AKAP19: variants seen among roughly 807,000 people sequenced by gnomAD.
The protein encoded by AKAP19 is small A-kinase anchoring protein.
At chr2:190,039,371 G>A in the AKAP19 span, among the ~76,000 whole-genome samples, 21 of 152,054 alleles carry the variant, frequency 1.4e-4, no homozygotes, top group Non-Finnish European at 2.6e-4. Flanking sequence ...GAGCCACTGC[G>A]CCCAGCCTCA....
the AKAP19 span, among the ~76,000 whole-genome samples, chr2:190,191,481 G>C: frequency 2.6e-5 from 4 of 152,172 alleles, no homozygotes; most frequent in African/African-American, 9.6e-5. Flanking sequence ...AAATTTTCAT[G>C]TATCTAGGGT....
chr2:190,194,516 A>G, the AKAP19 span, among the ~76,000 whole-genome samples: 5 of 149,700 alleles, frequency 3.3e-5, no homozygotes, highest in Admixed American at 2.7e-4. Flanking sequence ...ACACACACAC[A>G]CACGCAGCAT....
At chr2:190,057,567 A>C in the AKAP19 span, 3 of 1,613,576 alleles carry the variant, frequency 1.9e-6, no homozygotes, top group Non-Finnish European at 2.5e-6. Flanking sequence ...TTGAGTGCTC[A>C]TCACAGTCAA....
At chr2:190,124,556 G>A in the AKAP19 span, among the ~76,000 whole-genome samples, 1 of 152,014 alleles carries the variant, frequency 6.6e-6, no homozygotes, top group Non-Finnish European at 1.5e-5. Flanking sequence ...CAAAAAATAA[G>A]GAAATTAGCC....
chr2:190,148,204 T>C, the AKAP19 span, among the ~76,000 whole-genome samples: 2 of 152,228 alleles, frequency 1.3e-5, no homozygotes, highest in Non-Finnish European at 2.9e-5. Context: ...TGTTGAAAGT[T>C]TTAATCATAA....
chr2:190,010,691 C>T, the AKAP19 span, among the ~76,000 whole-genome samples: 57 of 152,132 alleles, frequency 3.7e-4, no homozygotes, highest in African/African-American at 1.3e-3. Context: ...GGCTGCATAA[C>T]AAAAATATCA....
chr2:190,199,852 C>T, the AKAP19 span: 3 of 1,611,904 alleles, frequency 1.9e-6, no homozygotes, highest in Non-Finnish European at 2.5e-6. Flanking sequence ...ACAAACAGCT[C>T]TTCATAACAT....
chr2:190,096,628 C>A, the AKAP19 span, among the ~76,000 whole-genome samples: 1 of 152,146 alleles, frequency 6.6e-6, no homozygotes, highest in Admixed American at 6.5e-5. Flanking sequence ...CATATTGCTT[C>A]CCTTTCTTCT....
chr2:189,948,484 C>T, the AKAP19 span, among the ~76,000 whole-genome samples: 58 of 152,088 alleles, frequency 3.8e-4, no homozygotes, highest in African/African-American at 1.4e-3. Context: ...AAAAATTACC[C>T]ACAGTTTTGC....
chr2:190,145,835 G>GTATA, the AKAP19 span, among the ~76,000 whole-genome samples: 2 of 147,088 alleles, frequency 1.4e-5, no homozygotes, highest in East Asian at 2.0e-4. Context: ...ATATGTATAT[G>GTATA]TATGTGTGTA....
At chr2:190,072,152 G>A in the AKAP19 span, among the ~76,000 whole-genome samples, 1 of 152,148 alleles carries the variant, frequency 6.6e-6, no homozygotes, top group African/African-American at 2.4e-5. Context: ...GCTAATTAAT[G>A]CAAGTACAGA....
chr2:189,977,751 G>A, the AKAP19 span, among the ~76,000 whole-genome samples: 1 of 152,176 alleles, frequency 6.6e-6, no homozygotes, highest in African/African-American at 2.4e-5. Context: ...ACATTTTGAA[G>A]TTGTGGAGAT....
At chr2:190,193,167 T>TA in the AKAP19 span, among the ~76,000 whole-genome samples, 4 of 152,186 alleles carry the variant, frequency 2.6e-5, no homozygotes, top group East Asian at 7.7e-4. Flanking sequence ...ATTTTAAAAA[T>TA]AAAAAATGGT....
At chr2:190,129,526 A>G in the AKAP19 span, among the ~76,000 whole-genome samples, 8 of 151,920 alleles carry the variant, frequency 5.3e-5, no homozygotes, top group East Asian at 1.5e-3. Context: ...CAAAATAACC[A>G]GCTCACAGGT....
the AKAP19 span, among the ~76,000 whole-genome samples, chr2:189,973,363 A>T: frequency 6.6e-6 from 1 of 151,950 alleles, no homozygotes; most frequent in Non-Finnish European, 1.5e-5. Context: ...AAACTTTTTG[A>T]TGTGCTGCTG....
At chr2:190,049,086 C>A in the AKAP19 span, among the ~76,000 whole-genome samples, 1 of 151,952 alleles carries the variant, frequency 6.6e-6, no homozygotes, top group Non-Finnish European at 1.5e-5. Flanking sequence ...TTTTTAAATT[C>A]TGCATTAAAA....
the AKAP19 span, among the ~76,000 whole-genome samples, chr2:189,977,526 A>G: frequency 1.4e-4 from 21 of 152,224 alleles, no homozygotes; most frequent in Admixed American, 5.2e-4. Flanking sequence ...CTTGAAAATG[A>G]TGTTTTTCTA....
chr2:189,939,102 C>A, the AKAP19 span, among the ~76,000 whole-genome samples: 1 of 152,158 alleles, frequency 6.6e-6, no homozygotes, highest in African/African-American at 2.4e-5. Context: ...AAGAAATATT[C>A]CTGAGGACAG....
the AKAP19 span, among the ~76,000 whole-genome samples, chr2:190,024,031 A>G: frequency 6.6e-6 from 1 of 151,834 alleles, no homozygotes. Flanking sequence ...CTGCCTTATA[A>G]AGTTCAACAT....
Sources: gnomAD v4.1 joint callset for allele counts (sites outside exome capture counted in the v4.1 genomes callset) on GRCh38, gnomAD v4.1.1 for gene constraint, MANE v1.5 for transcripts, NCBI Gene and HGNC (gene_info 2026-07-23, HGNC 2026-07-21) for gene names.